MAP3K5: variants seen among roughly 807,000 people sequenced by gnomAD.
MAP3K5 encodes mitogen-activated protein kinase kinase kinase 5.
MAP3K5 carries 56 observed loss-of-function variants against 158.7 expected under a neutral mutation model. That is an observed-to-expected ratio of 0.35 (90% CI 0.28 to 0.44). The LOEUF is 0.44. Ranked by LOEUF, MAP3K5 falls within the 20% of genes least tolerant of loss-of-function variation. The probability of loss-of-function intolerance (pLI) is 1.00; values close to 1 mark genes in which losing one functional copy is unlikely to be tolerated. For synonymous variants in MAP3K5, 579 were observed against 601.7 expected, an observed-to-expected ratio of 0.96 and a Z score of 0.55; for missense variants, 1,294 against 1,674.8, an observed-to-expected ratio of 0.77 and a Z score of 3.97.
chr6:136,754,098 C>A (rs560339268), intron 1 of MAP3K5, among the ~76,000 whole-genome samples: 11 of 151,130 alleles, frequency 7.3e-5, no homozygotes, highest in African/African-American at 2.7e-4. Context: ...CATGATGAAA[C>A]CCCATCTCTA....
At chr6:136,636,837 G>C in intron 14 of MAP3K5, 1 of 986,216 alleles carries the variant, frequency 1.0e-6, no homozygotes, top group Non-Finnish European at 1.2e-6. Context: ...GTGTCCATTA[G>C]ACATTAATAA....
intron 1 of MAP3K5, among the ~76,000 whole-genome samples, chr6:136,747,973 G>A (rs1292897062): frequency 2.0e-5 from 3 of 152,118 alleles, no homozygotes; most frequent in Non-Finnish European, 2.9e-5. Flanking sequence ...TCAGATATAT[G>A]GTGGTTCTTT....
At chr6:136,558,361 AGAGT>A (rs942147377) in intron 29 of MAP3K5, among the ~76,000 whole-genome samples, 13 of 151,806 alleles carry the variant, frequency 8.6e-5, no homozygotes, top group African/African-American at 3.1e-4. Flanking sequence ...CCTGGGTGAC[AGAGT>A]GAGACTCCAT....
At chr6:136,622,748 TCA>T in intron 15 of MAP3K5, 98 bp downstream of exon 15, 1 of 1,305,414 alleles carries the variant, frequency 7.7e-7, no homozygotes, top group Non-Finnish European at 1.1e-6. Context: ...AGTGAAGTTT[TCA>T]CAGTTTCATT....
chr6:136,637,611 C>G (rs1213501079), intron 13 of MAP3K5, among the ~76,000 whole-genome samples: 1 of 151,972 alleles, frequency 6.6e-6, no homozygotes, highest in East Asian at 1.9e-4. Context: ...AATTTCTAAC[C>G]TAATGCCTCA....
At chr6:136,700,110 G>A (rs557416556) in intron 3 of MAP3K5, among the ~76,000 whole-genome samples, 5 of 152,142 alleles carry the variant, frequency 3.3e-5, no homozygotes, top group African/African-American at 1.2e-4. Flanking sequence ...GAAGGAGAAA[G>A]AGAGAGAGAA....
intron 1 of MAP3K5, among the ~76,000 whole-genome samples, chr6:136,759,653 G>T (rs1264933060): frequency 6.6e-6 from 1 of 150,666 alleles, no homozygotes; most frequent in African/African-American, 2.4e-5. Context: ...TCTATTTTTT[G>T]TAGAAACGAG....
chr6:136,623,185 C>G (rs993591989), intron 14 of MAP3K5, among the ~76,000 whole-genome samples: 5 of 152,140 alleles, frequency 3.3e-5, no homozygotes, highest in African/African-American at 9.7e-5. Flanking sequence ...CAAACTGTTA[C>G]AAATACAGTG....
chr6:136,789,052 C>G (rs959154086), intron 1 of MAP3K5, among the ~76,000 whole-genome samples: 11 of 152,106 alleles, frequency 7.2e-5, no homozygotes, highest in Admixed American at 1.3e-4. Flanking sequence ...AATCCCAATA[C>G]TTTGGGAGGC....
chr6:136,711,236 T>A (rs191846021), intron 2 of MAP3K5, among the ~76,000 whole-genome samples: 2 of 151,796 alleles, frequency 1.3e-5, no homozygotes, highest in Non-Finnish European at 2.9e-5. Context: ...GCAGAACATA[T>A]GAAATCTGTG....
At chr6:136,652,934 C>T (rs1778583229) in intron 10 of MAP3K5, among the ~76,000 whole-genome samples, 1 of 152,150 alleles carries the variant, frequency 6.6e-6, no homozygotes, top group Non-Finnish European at 1.5e-5. Flanking sequence ...GGCAATTTGA[C>T]AAAGTCTTAA....
intron 14 of MAP3K5, among the ~76,000 whole-genome samples, chr6:136,626,779 GA>G (rs544547123): frequency 2.4e-4 from 35 of 146,176 alleles, no homozygotes; most frequent in African/African-American, 4.3e-4. Flanking sequence ...AATCTTAAAG[GA>G]AAAAAAAAAC....
At chr6:136,564,076 T>C (rs1284543195) in intron 26 of MAP3K5, among the ~76,000 whole-genome samples, 1 of 152,156 alleles carries the variant, frequency 6.6e-6, no homozygotes, top group Non-Finnish European at 1.5e-5. Flanking sequence ...AACTAAAGCT[T>C]CCAGAAAAGA....
Position 136,637,811 on chromosome 6 carries a change from C to G in MAP3K5, c.1935-405G>C, listed in dbSNP as rs991372193. On this transcript the variant is annotated intron_variant, in intron 13 of 29. Transcript: ENST00000359015. ...AGCCGGGAAGCACTGTGAACGTGGG[C>G]TGATGATCCCACAGGCAGGTCATGC... is the stretch of plus-strand genomic sequence containing the variant. Among the ~76,000 whole-genome samples, 42 of 152,080 alleles carry G rather than the reference C, an allele frequency of 2.8e-4. 1 individual carries two copies. The highest frequency in any genetic ancestry group is 1.0e-3 in the African/African-American group (42 of 41,418).
intron 21 of MAP3K5, among the ~76,000 whole-genome samples, chr6:136,596,863 A>G (rs889617516): frequency 6.6e-6 from 1 of 152,208 alleles, no homozygotes; most frequent in African/African-American, 2.4e-5. Context: ...AAATGGGAAG[A>G]AGCTCAAGTG....
chr6:136,769,902 AAGGG>A (rs1784130546), intron 1 of MAP3K5, among the ~76,000 whole-genome samples: 1 of 132,104 alleles, frequency 7.6e-6, no homozygotes, highest in Non-Finnish European at 1.6e-5. Flanking sequence ...AGGAAGGAGA[AAGGG>A]AGGGAGGGAA....
chr6:136,790,278 T>C lies in MAP3K5; in HGVS notation c.448+1432A>G, dbSNP rs114215093. On this transcript the variant is annotated intron_variant, in intron 1 of 29. Transcript: ENST00000359015. ...AGCTTAGAGTTTAACATTTTTTTTC[T>C]AGAGCCCTAGGAAAAAAACGCCCAA... is the stretch of plus-strand genomic sequence containing the variant. Among the ~76,000 whole-genome samples the C allele has an allele frequency of 9.0e-3, 1,366 of 152,280 alleles. 26 individuals carry two copies. The highest frequency in any genetic ancestry group is 0.031 in the African/African-American group (1,294 of 41,542).
rs117525458 is a variant in MAP3K5 at position 136,626,209 on chromosome 6, G to A, written c.2017-3228C>T. Among the ~76,000 whole-genome samples, 16 of 152,122 alleles carry A rather than the reference G, an allele frequency of 1.1e-4. No homozygotes were observed. In the East Asian group the frequency reaches 2.7e-3, roughly 26 times the overall value. Reference sequence around the variant, plus strand: ...AACAGGTTTTCAGGCCCTTATAGAAGGCAGTCGGGTGGTGTCTTCTGGGGA... The same window carrying A: ...AACAGGTTTTCAGGCCCTTATAGAAAGCAGTCGGGTGGTGTCTTCTGGGGA... On this transcript the variant is annotated intron_variant, in intron 14 of 29. Coordinates refer to ENST00000359015, the MANE Select transcript of MAP3K5 (RefSeq NM_005923.4).
chr6:136,713,895 G>A (rs1781416192), intron 2 of MAP3K5, among the ~76,000 whole-genome samples: 1 of 152,106 alleles, frequency 6.6e-6, no homozygotes, highest in African/African-American at 2.4e-5. Flanking sequence ...CACAAATTGT[G>A]AGACCACTTT....
Sources: gnomAD v4.1 joint callset for allele counts (sites outside exome capture counted in the v4.1 genomes callset) on GRCh38, gnomAD v4.1.1 for gene constraint, MANE v1.5 for transcripts, NCBI Gene and HGNC (gene_info 2026-07-23, HGNC 2026-07-21) for gene names.